FBP2: variants seen among roughly 807,000 people sequenced by gnomAD.
FBP2 encodes fructose-1,6-bisphosphatase isozyme 2.
Under a neutral mutation model 31.6 loss-of-function variants are expected in FBP2, and 27 were observed. The observed-to-expected ratio is 0.85, with a 90% CI of 0.63 to 1.18. The LOEUF (loss-of-function observed/expected upper bound fraction) is 1.18. Ranked by LOEUF, FBP2 falls within the 50% of genes most tolerant of loss-of-function variation. The pLI, the probability that FBP2 is intolerant of heterozygous loss-of-function variation, is 0.00. For missense variants in FBP2, 421 were observed against 436.1 expected, an observed-to-expected ratio of 0.97 and a Z score of 0.31; for synonymous variants, 168 against 179.8, an observed-to-expected ratio of 0.93 and a Z score of 0.53.
intron 1 of FBP2, among the ~76,000 whole-genome samples, chr9:94,590,542 C>T (rs1424993883): frequency 6.6e-6 from 1 of 152,172 alleles, no homozygotes; most frequent in Non-Finnish European, 1.5e-5. Flanking sequence ...AGTGTTACAG[C>T]TCTTAAGGTG....
chr9:94,560,495 T>G (rs1411683038), intron 6 of FBP2, among the ~76,000 whole-genome samples: 1 of 152,114 alleles, frequency 6.6e-6, no homozygotes, highest in Non-Finnish European at 1.5e-5. Flanking sequence ...TGACTCAGTA[T>G]CATCTTCTTC....
At chr9:94,589,617 G>A (rs1827468095) in intron 1 of FBP2, among the ~76,000 whole-genome samples, 1 of 152,196 alleles carries the variant, frequency 6.6e-6, no homozygotes, top group Non-Finnish European at 1.5e-5. Flanking sequence ...TTTATTTGTT[G>A]AAGGAAATCT....
chr9:94,562,567 A>G (rs1827125108), intron 6 of FBP2, among the ~76,000 whole-genome samples: 2 of 152,174 alleles, frequency 1.3e-5, no homozygotes, highest in African/African-American at 4.8e-5. Context: ...CATTCGAATA[A>G]TTCAAATCTC....
chr9:94,575,441 ATGT>A (rs1350435016), intron 3 of FBP2, among the ~76,000 whole-genome samples: 3 of 152,126 alleles, frequency 2.0e-5, no homozygotes, highest in Admixed American at 2.0e-4. Flanking sequence ...AATTTTACCT[ATGT>A]TGTTATACAT....
intron 3 of FBP2, among the ~76,000 whole-genome samples, chr9:94,581,025 T>C (rs556645167): frequency 6.6e-6 from 1 of 152,322 alleles, no homozygotes; most frequent in Admixed American, 6.5e-5. Context: ...TAATTTTGCC[T>C]CTGTCTAAAG....
intron 3 of FBP2, among the ~76,000 whole-genome samples, chr9:94,578,966 T>G (rs1278833171): frequency 7.5e-6 from 1 of 133,560 alleles, no homozygotes; most frequent in Non-Finnish European, 1.5e-5. Flanking sequence ...GGCAGGAGAA[T>G]GGCGTGAACC....
intron 5 of FBP2, among the ~76,000 whole-genome samples, chr9:94,564,997 C>G (rs1008920087): frequency 2.0e-5 from 3 of 152,148 alleles, no homozygotes; most frequent in Non-Finnish European, 4.4e-5. Context: ...CCTAATTATA[C>G]TGATCTGATC....
chr9:94,593,265 T>C lies in FBP2; in HGVS notation c.170+292A>G, dbSNP rs368930943. ...ACTCTCTCTGTGCAAGTACAAGTCA[T>C]GATAACACAATACATATTTTAATGC... On this transcript the variant is annotated intron_variant, in intron 1 of 6. Transcript: ENST00000375337. Among the ~76,000 whole-genome samples, 17 of 152,376 alleles carry C rather than the reference T, an allele frequency of 1.1e-4. No homozygotes were observed. The East Asian group carries it at 2.9e-3, about 26-fold the overall frequency.
intron 3 of FBP2, among the ~76,000 whole-genome samples, chr9:94,581,141 T>G (rs1827368758): frequency 6.6e-6 from 1 of 152,242 alleles, no homozygotes; most frequent in South Asian, 2.1e-4. Flanking sequence ...TATGATACTT[T>G]AAAACATTAC....
At chr9:94,589,847 C>T (rs1388912523) in intron 1 of FBP2, among the ~76,000 whole-genome samples, 2 of 151,978 alleles carry the variant, frequency 1.3e-5, no homozygotes, top group Non-Finnish European at 2.9e-5. Context: ...GACTGTGCCT[C>T]CTGGTCAAGA....
In FBP2 at chr9:94,593,711, G is replaced by A; in HGVS notation, c.16C>T (p.Pro6Ser). Residue 6 changes from proline (P) to serine (S), a missense_variant, in exon 1 of 7, where the codon CCC (proline) becomes TCC (serine). By Grantham distance (74) the Pro-to-Ser change is moderately conservative (BLOSUM62 -1). Coordinates refer to ENST00000375337, the MANE Select transcript of FBP2 (RefSeq NM_003837.4). ...AGGGTGAGCATGTCGGTTTCGAAGG[G>A]GCTTCTGTCCGTCATTTTGGCTGGA... is the stretch of plus-strand genomic sequence containing the variant. Reference protein sequence around the residue: MTDRSPFETDMLTLTR... With the variant: MTDRSSFETDMLTLTR... 6.2e-7 allele frequency: 1 copy of A among 1,614,130 alleles called. No homozygotes were observed. Among genetic ancestry groups the A allele is most frequent in the African/African-American group, 1.3e-5 (1 of 75,062 alleles).
intron 2 of FBP2, among the ~76,000 whole-genome samples, chr9:94,584,976 AG>A (rs974011413): frequency 3.9e-5 from 6 of 152,214 alleles, no homozygotes; most frequent in African/African-American, 1.4e-4. Context: ...CAAGCCACCA[AG>A]GGAAGCCCCA....
In FBP2 at chr9:94,559,131, A is replaced by G. The variant is rs1827055614; in HGVS notation, c.827T>C (p.Leu276Pro). 1 of 1,609,296 alleles carries G rather than the reference A, an allele frequency of 6.2e-7. No individual in the cohort carries two copies. Among genetic ancestry groups the G allele is most frequent in the East Asian group, 2.2e-5 (1 of 44,766 alleles). The change falls in exon 7 of 7, where the codon CTC becomes CCC. Residue 276 changes from leucine to proline, a missense_variant and splice_region_variant. Physicochemically the swap from Leu to Pro is moderately conservative, Grantham distance 98 (BLOSUM62 -3). Transcript: ENST00000375337. ...PANQKSPKGK[L>P]RLLYECNPVA... The stretch of plus-strand genomic sequence containing the variant: ...GGGATTGCATTCATACAGGAGCCGG[A>G]GCTGTGGAGGAACAGAGGCAGGTGA...
rs190420034 is a variant in FBP2, at chr9:94,563,338, T to C, written c.825+4A>G. 8.0e-4 allele frequency: 1,295 copies of C among 1,613,534 alleles called. 3 individuals are homozygous for C. Among genetic ancestry groups the C allele is most frequent in the Non-Finnish European group, 9.9e-4 (1,171 of 1,179,720 alleles). On this transcript the variant is annotated splice_donor_region_variant and intron_variant, in intron 6 of 6. Transcript: ENST00000375337. ...TGCACAGCCAGTGGACAAGGGAGAA[T>C]TACCTTGCCCTTAGGGCTCTTCTGG...
rs182801534 is a variant in FBP2 at position 94,585,696 on chromosome 9, C to T, written c.334-1027G>A. ...GGAGTGCAGTGGTGTGGTCAGAGCTCGCTGCAGCCTAGAGATCCTGGGCTC... is the reference window on the plus strand; with the variant it reads ...GGAGTGCAGTGGTGTGGTCAGAGCTTGCTGCAGCCTAGAGATCCTGGGCTC... On this transcript the variant is annotated intron_variant, in intron 2 of 6. Transcript: ENST00000375337. 2.4e-4 allele frequency among the ~76,000 whole-genome samples: 36 copies of T among 152,274 alleles called. No homozygotes were observed. The East Asian group carries it at 3.1e-3, about 13-fold the overall frequency.
chr9:94,574,208 T>G (rs1035695226), intron 3 of FBP2, among the ~76,000 whole-genome samples: 2 of 152,200 alleles, frequency 1.3e-5, no homozygotes, highest in Non-Finnish European at 1.5e-5. Context: ...AATAATTAAA[T>G]AATTGGGTAA....
At chr9:94,570,394 C>T (rs1827254961) in intron 4 of FBP2, 1 of 152,206 alleles carries the variant, frequency 6.6e-6, no homozygotes, top group East Asian at 1.9e-4. Context: ...TCTCTCTACG[C>T]CTCACTTTCC....
At chr9:94,575,921 T>C (rs1477233238) in intron 3 of FBP2, among the ~76,000 whole-genome samples, 1 of 152,210 alleles carries the variant, frequency 6.6e-6, no homozygotes, top group African/African-American at 2.4e-5. Flanking sequence ...GATATAACCT[T>C]GAAGCAAACT....
intron 5 of FBP2, among the ~76,000 whole-genome samples, chr9:94,565,553 ATCTT>A (rs1285747849): frequency 6.6e-6 from 1 of 152,180 alleles, no homozygotes; most frequent in Non-Finnish European, 1.5e-5. Flanking sequence ...TACAGAAAGA[ATCTT>A]TCAGCAGACA....
Sources: allele counts gnomAD v4.1 joint callset (sites outside exome capture counted in the v4.1 genomes callset), GRCh38; gene constraint gnomAD v4.1.1; transcripts MANE v1.5; gene names NCBI Gene and HGNC (gene_info 2026-07-23, HGNC 2026-07-21).